Variants in GLIS1 observed in about 807,000 individuals in gnomAD.
GLIS1 encodes GLIS family zinc finger 1, also known as zinc finger protein GLIS1.
GLIS1 carries 24 observed loss-of-function variants against 63.8 expected under a neutral mutation model. That is an observed-to-expected ratio of 0.38 (90% CI 0.27 to 0.53). GLIS1 has a LOEUF of 0.53. Among genes scored for constraint, GLIS1 ranks in the 20% least tolerant of loss-of-function variants. The pLI is 0.85. For missense variants in GLIS1, 1,036 were observed against 1,074.1 expected, an observed-to-expected ratio of 0.96 and a Z score of 0.50; for synonymous variants, 450 against 482.5, an observed-to-expected ratio of 0.93 and a Z score of 0.88.
At chr1:53,624,967 CA>C (rs1466520353) in intron 2 of GLIS1, among the ~76,000 whole-genome samples, 1 of 152,006 alleles carries the variant, frequency 6.6e-6, no homozygotes, top group Admixed American at 6.6e-5. Flanking sequence ...AAAATAAAAC[CA>C]GGGGGCAATA....
chr1:53,555,108 C>T (rs1644804431), intron 4 of GLIS1, among the ~76,000 whole-genome samples: 1 of 152,202 alleles, frequency 6.6e-6, no homozygotes, highest in Admixed American at 6.5e-5. Context: ...GACGGGTAAC[C>T]CATCTCCCCA....
chr1:53,684,505 C>A (rs1646309774), intron 2 of GLIS1, among the ~76,000 whole-genome samples: 1 of 152,114 alleles, frequency 6.6e-6, no homozygotes, highest in Non-Finnish European at 1.5e-5. Flanking sequence ...GGTGAAGCAA[C>A]AAGTAGAGGT....
intron 2 of GLIS1, among the ~76,000 whole-genome samples, chr1:53,659,820 T>C (rs1234945894): frequency 2.0e-5 from 3 of 152,224 alleles, no homozygotes; most frequent in Admixed American, 6.5e-5. Context: ...AGTGGGTCTA[T>C]GTGAGGATTA....
At chr1:53,545,667 ACT>A (rs1170813961) in intron 4 of GLIS1, among the ~76,000 whole-genome samples, 1 of 151,238 alleles carries the variant, frequency 6.6e-6, no homozygotes, top group African/African-American at 2.4e-5. Flanking sequence ...CTTACATTTC[ACT>A]CTCTACTTTC....
At chr1:53,564,362 A>C (rs1233556330) in intron 4 of GLIS1, among the ~76,000 whole-genome samples, 2 of 152,208 alleles carry the variant, frequency 1.3e-5, no homozygotes, top group African/African-American at 4.8e-5. Context: ...TCTAAAAAGC[A>C]AAATAAAAGA....
intron 2 of GLIS1, among the ~76,000 whole-genome samples, chr1:53,633,736 C>T (rs1003543493): frequency 3.3e-5 from 5 of 151,990 alleles, no homozygotes; most frequent in Admixed American, 6.5e-5. Context: ...TTATGCATTG[C>T]AGGATGGTTA....
At chr1:53,513,362 C>T (rs1467953916) in intron 8 of GLIS1, among the ~76,000 whole-genome samples, 1 of 152,188 alleles carries the variant, frequency 6.6e-6, no homozygotes, top group Non-Finnish European at 1.5e-5. Context: ...CTGCTCAACA[C>T]TCTTCAGGTC....
In GLIS1 at chr1:53,509,856, G is replaced by A; in HGVS notation, c.2055C>T (p.Ser685=). 1 of 1,306,148 alleles carries A rather than the reference G, an allele frequency of 7.7e-7. No individual in the cohort carries two copies. The highest frequency in any genetic ancestry group is 3.3e-5 in the South Asian group (1 of 30,090). The allele number at this position is 1,306,148 out of a possible 1,614,324, so 80.9% of individuals were successfully genotyped here. ...CCCCTGGCCAGAGCTTACCTTGTGGGCTGGGCAGAGGCGGGGGTGGAGGGC... is the reference window on the plus strand; with the variant it reads ...CCCCTGGCCAGAGCTTACCTTGTGGACTGGGCAGAGGCGGGGGTGGAGGGC... The part of the protein sequence containing the change: ...FQSPPPPPLP[S]PQGYQGSFHS... The change falls in exon 9 of 11, where the codon AGC becomes AGT. Residue 685 remains serine, a synonymous_variant. Transcript: ENST00000628545.
At chr1:53,629,578 C>G (rs1287371504) in intron 2 of GLIS1, among the ~76,000 whole-genome samples, 1 of 152,218 alleles carries the variant, frequency 6.6e-6, no homozygotes, top group Non-Finnish European at 1.5e-5. Flanking sequence ...GTGCCACCAC[C>G]ACACCGGCCT....
At chr1:53,705,268 G>A (rs542393767) in intron 2 of GLIS1, among the ~76,000 whole-genome samples, 9 of 152,240 alleles carry the variant, frequency 5.9e-5, no homozygotes, top group South Asian at 2.1e-4. Flanking sequence ...CCTGGCGAGC[G>A]GCAGATACAG....
rs191701654 is a variant in GLIS1 at position 53,569,337 on chromosome 1, G to A, written c.1320+24771C>T. 4.6e-5 allele frequency among the ~76,000 whole-genome samples: 7 copies of A among 152,304 alleles called. No homozygotes were observed. In the South Asian group the frequency reaches 8.3e-4, roughly 18 times the overall value. On this transcript the variant is annotated intron_variant, in intron 4 of 10. Transcript: ENST00000628545. ...ATGTGTCAATGTAGGTTCGTTGATC[G>A]TAACAAATGCACCACTCTGGTGTGA... is the stretch of plus-strand genomic sequence containing the variant.
chr1:53,545,624 G>A (rs942193770), intron 4 of GLIS1, among the ~76,000 whole-genome samples: 3 of 152,228 alleles, frequency 2.0e-5, no homozygotes, highest in Non-Finnish European at 4.4e-5. Context: ...TTATTTCTGA[G>A]TGGTGTAGTT....
chr1:53,675,559 T>C (rs1254829315), intron 2 of GLIS1, among the ~76,000 whole-genome samples: 3 of 152,186 alleles, frequency 2.0e-5, no homozygotes, highest in Admixed American at 2.0e-4. Flanking sequence ...CACACCTGTC[T>C]GGGGAAATGT....
At chr1:53,652,908 C>T (rs937922699) in intron 2 of GLIS1, among the ~76,000 whole-genome samples, 4 of 152,200 alleles carry the variant, frequency 2.6e-5, no homozygotes, top group Non-Finnish European at 4.4e-5. Context: ...ACTGAGCTTC[C>T]ATTTCCTCAT....
At chr1:53,705,403 C>T (rs1278446392) in intron 2 of GLIS1, among the ~76,000 whole-genome samples, 1 of 152,168 alleles carries the variant, frequency 6.6e-6, no homozygotes, top group African/African-American at 2.4e-5. Context: ...AAGTGCTGAT[C>T]AATACAGGAT....
chr1:53,563,795 A>G (rs945557542), intron 4 of GLIS1, among the ~76,000 whole-genome samples: 4 of 152,238 alleles, frequency 2.6e-5, no homozygotes, highest in Non-Finnish European at 4.4e-5. Flanking sequence ...AGAACTTAAA[A>G]GCAATAGACA....
In GLIS1 at chr1:53,610,772, G is replaced by A. The variant is rs116139396; in HGVS notation, c.260-10494C>T. Reference sequence around the variant, plus strand: ...CACTTCAAACTTTACTTTGCTCGTCGTCTTTCCCCTGTCTTTCTGGGGCAA... The same window carrying A: ...CACTTCAAACTTTACTTTGCTCGTCATCTTTCCCCTGTCTTTCTGGGGCAA... On this transcript the variant is annotated intron_variant, in intron 2 of 10. Coordinates refer to ENST00000628545, the MANE Select transcript of GLIS1 (RefSeq NM_001367484.1). Among the ~76,000 whole-genome samples the A allele has an allele frequency of 4.2e-3, 646 of 152,204 alleles. 2 individuals are homozygous for A. Among genetic ancestry groups the A allele is most frequent in the Non-Finnish European group, 6.4e-3 (434 of 68,012 alleles).
At chr1:53,664,884 G>C (rs898625670) in intron 2 of GLIS1, among the ~76,000 whole-genome samples, 1 of 152,146 alleles carries the variant, frequency 6.6e-6, no homozygotes, top group Non-Finnish European at 1.5e-5. Flanking sequence ...ACCAAAAAGT[G>C]CAAAGGCCCT....
chr1:53,673,244 C>G (rs1354479321), intron 2 of GLIS1, among the ~76,000 whole-genome samples: 1 of 152,098 alleles, frequency 6.6e-6, no homozygotes, highest in African/African-American at 2.4e-5. Context: ...AGTGGAACGC[C>G]GCAGTGATTT....
Sources: gnomAD v4.1 joint callset for allele counts (sites outside exome capture counted in the v4.1 genomes callset) on GRCh38, gnomAD v4.1.1 for gene constraint, MANE v1.5 for transcripts, NCBI Gene and HGNC (gene_info 2026-07-23, HGNC 2026-07-21) for gene names.